The following RBFOX1 variants were observed in gnomAD, a reference collection of about 807,000 sequenced individuals.
RBFOX1 encodes the protein RNA binding protein fox-1 homolog 1.
In RBFOX1, 8 loss-of-function variants were observed where a neutral mutation model predicts 57.7. The ratio of observed to expected loss-of-function variants is 0.14; its 90% CI spans 0.08 to 0.25. RBFOX1 has a LOEUF of 0.25. Ranked by LOEUF, RBFOX1 falls within the 10% of genes least tolerant of loss-of-function variation. The pLI, the probability that RBFOX1 is intolerant of heterozygous loss-of-function variation, is 1.00. For missense variants in RBFOX1, 611 were observed against 548.5 expected (o/e 1.11, Z -1.14); for synonymous variants, 326 against 222.4 (o/e 1.47, Z -4.15).
chr16:5,979,254 T>C (rs1275438800), intron 4 of RBFOX1, among the ~76,000 whole-genome samples: 1 of 152,176 alleles, frequency 6.6e-6, no homozygotes, highest in Non-Finnish European at 1.5e-5. Context: ...GATTTTTTCT[T>C]GATCTGATGA....
At chr16:5,987,402 A>C (rs1013232033) in intron 4 of RBFOX1, among the ~76,000 whole-genome samples, 15 of 152,184 alleles carry the variant, frequency 9.9e-5, no homozygotes, top group African/African-American at 3.6e-4. Context: ...AGTCCAATTT[A>C]TGAATTTTTA....
chr16:5,633,413 G>A (rs2048582383), intron 3 of RBFOX1, among the ~76,000 whole-genome samples: 1 of 152,160 alleles, frequency 6.6e-6, no homozygotes, highest in South Asian at 2.1e-4. Context: ...GAGCTCTTTA[G>A]TGGTGATTTC....
intron 3 of RBFOX1, among the ~76,000 whole-genome samples, chr16:6,666,324 A>G (rs2098732448): frequency 6.6e-6 from 1 of 152,160 alleles, no homozygotes; most frequent in African/African-American, 2.4e-5. Flanking sequence ...ACCTGAGGTC[A>G]GGAGTTTGAA....
At chr16:6,719,444 TG>T (rs2065493242) in intron 3 of RBFOX1, among the ~76,000 whole-genome samples, 1 of 136,612 alleles carries the variant, frequency 7.3e-6, no homozygotes, top group Non-Finnish European at 1.5e-5. Context: ...CAAAATAACC[TG>T]TTTTTTTTTT....
intron 5 of RBFOX1, among the ~76,000 whole-genome samples, chr16:7,568,804 G>A (rs1233677868): frequency 6.8e-6 from 1 of 146,744 alleles, no homozygotes; most frequent in African/African-American, 2.5e-5. Flanking sequence ...GGAGAATGGC[G>A]TGAACCCGGG....
chr16:7,057,345 C>G (rs753092691), intron 4 of RBFOX1, among the ~76,000 whole-genome samples: 1 of 152,178 alleles, frequency 6.6e-6, no homozygotes, highest in African/African-American at 2.4e-5. Flanking sequence ...GGAATCAGAG[C>G]TTAGAATGGG....
intron 3 of RBFOX1, among the ~76,000 whole-genome samples, chr16:5,648,005 A>G (rs2191098): frequency 0.56 from 85,720 of 151,986 alleles, 28,260 homozygotes; most frequent in Non-Finnish European, 0.75. Flanking sequence ...GAGTATAGGC[A>G]TGCAGCACTG....
At chr16:6,331,272 C>G (rs2082988316) in intron 2 of RBFOX1, among the ~76,000 whole-genome samples, 1 of 152,014 alleles carries the variant, frequency 6.6e-6, no homozygotes, top group Non-Finnish European at 1.5e-5. Context: ...ATGGTGAAAT[C>G]CTATCTCTAA....
At chr16:5,700,565 T>C (rs2051011823) in intron 3 of RBFOX1, among the ~76,000 whole-genome samples, 1 of 152,228 alleles carries the variant, frequency 6.6e-6, no homozygotes, top group South Asian at 2.1e-4. Flanking sequence ...CACTGTGGTG[T>C]ATCTAGGTAG....
intron 4 of RBFOX1, among the ~76,000 whole-genome samples, chr16:7,342,730 T>C (rs1221403121): frequency 2.6e-5 from 4 of 152,028 alleles, no homozygotes; most frequent in Non-Finnish European, 5.9e-5. Flanking sequence ...TTTGACATCT[T>C]GGCTCATGGC....
At chr16:7,337,943 A>T (rs1314049060) in intron 4 of RBFOX1, among the ~76,000 whole-genome samples, 1 of 152,216 alleles carries the variant, frequency 6.6e-6, no homozygotes, top group Non-Finnish European at 1.5e-5. Flanking sequence ...TTGGCCTCCC[A>T]GAGTACTGGG....
intron 4 of RBFOX1, among the ~76,000 whole-genome samples, chr16:7,431,586 C>T (rs1290667937): frequency 1.3e-5 from 2 of 152,174 alleles, no homozygotes; most frequent in Non-Finnish European, 2.9e-5. Flanking sequence ...TGGTAAAATA[C>T]ACGTAACATA....
chr16:7,455,181 T>C (rs569255519), intron 4 of RBFOX1, among the ~76,000 whole-genome samples: 34 of 152,328 alleles, frequency 2.2e-4, no homozygotes, highest in Non-Finnish European at 3.8e-4. Context: ...GGAAATTCTC[T>C]CTTCTGAATC....
At chr16:7,551,353 T>TGAGATGTGC (rs549173140) in intron 5 of RBFOX1, among the ~76,000 whole-genome samples, 208 of 152,088 alleles carry the variant, frequency 1.4e-3, no homozygotes, top group Non-Finnish European at 2.7e-3. Context: ...GGGAAGCAGA[T>TGAGATGTGC]GAGATGTACC....
At chr16:6,893,163 C>T (rs1238869555) in intron 3 of RBFOX1, among the ~76,000 whole-genome samples, 1 of 152,044 alleles carries the variant, frequency 6.6e-6, no homozygotes, top group Non-Finnish European at 1.5e-5. Flanking sequence ...GCTCTTTCAC[C>T]TCATTTTGCA....
chr16:6,230,170 C>T (rs67994102), intron 1 of RBFOX1, among the ~76,000 whole-genome samples: 60,052 of 151,910 alleles, frequency 0.4, 12,478 homozygotes, highest in Middle Eastern at 0.54. Flanking sequence ...AAACAAGATG[C>T]TAGAAGCATA....
intron 3 of RBFOX1, among the ~76,000 whole-genome samples, chr16:5,643,651 A>G (rs1596561270): frequency 3.3e-5 from 5 of 152,296 alleles, no homozygotes; most frequent in Admixed American, 3.3e-4. Context: ...TTATGATTTG[A>G]TGTAGGAACT....
chr16:7,217,403 A>T (rs576217513), intron 4 of RBFOX1, among the ~76,000 whole-genome samples: 1 of 144,780 alleles, frequency 6.9e-6, no homozygotes, highest in Non-Finnish European at 1.5e-5. Flanking sequence ...TGCTGGGATT[A>T]CAGGCATGAA....
intron 2 of RBFOX1, among the ~76,000 whole-genome samples, chr16:5,585,132 A>G (rs1487726246): frequency 1.3e-5 from 2 of 152,102 alleles, no homozygotes; most frequent in Non-Finnish European, 2.9e-5. Context: ...ATCTCCCCAA[A>G]ATAAAACCCT....
Sources: allele counts gnomAD v4.1 joint callset (sites outside exome capture counted in the v4.1 genomes callset), GRCh38; gene constraint gnomAD v4.1.1; transcripts MANE v1.5; gene names NCBI Gene and HGNC (gene_info 2026-07-23, HGNC 2026-07-21).